Variants in LILRB5 observed in about 807,000 individuals in gnomAD.
LILRB5 encodes the protein leukocyte immunoglobulin like receptor B5, also known as leukocyte immunoglobulin-like receptor subfamily B member 5.
A neutral mutation model predicts 68.4 loss-of-function variants in LILRB5; 61 were observed. That is an observed-to-expected ratio of 0.89 (90% CI 0.73 to 1.10). LILRB5 has a LOEUF of 1.10. Among genes scored for constraint, LILRB5 ranks in the 50% least tolerant of loss-of-function variants. LILRB5 has a pLI of 0.00. For missense variants in LILRB5, 771 were observed against 751.6 expected (o/e 1.03, Z -0.30); for synonymous variants, 356 against 315.8 (o/e 1.13, Z -1.35).
rs775667688 is a variant in LILRB5, at chr19:54,252,335, C to T, written c.1576+31G>A. On this transcript the variant is annotated intron_variant, in intron 11 of 12. Coordinates refer to ENST00000449561, the MANE Select transcript of LILRB5 (RefSeq NM_001081442.3). ...AGAAACTTTGGTGCTCCCTTGCCCA[C>T]CCCAGGTGCCCTCCGCTTCTAGTCA... The T allele has an allele frequency of 5.0e-6, 8 of 1,612,376 alleles. No homozygotes were observed. In the South Asian group the frequency reaches 8.8e-5, roughly 18 times the overall value.
At position 54,256,572 on chromosome 19, in the gene LILRB5, T is replaced by A; in HGVS notation, c.272A>T (p.Asp91Val). Reference protein sequence around the residue: ...AKFHIPSTVYDSAGRYRCYYE... With the variant: ...AKFHIPSTVYVSAGRYRCYYE... ...GTAGCAGCGGTATCGCCCTGCACTG[T>A]CATACACCGTGGATGGAATGTGGAA... Residue 91 changes from aspartate to valine, a missense_variant, in exon 3 of 13, where the codon GAC becomes GTC. By Grantham distance (152) the Asp-to-Val change is radical. Coordinates refer to ENST00000449561, the MANE Select transcript of LILRB5 (RefSeq NM_001081442.3). 1.2e-6 allele frequency: 2 copies of A among 1,614,146 alleles called. No homozygotes were observed. The highest frequency in any genetic ancestry group is 1.7e-6 in the Non-Finnish European group (2 of 1,179,996).
At chr19:54,255,978 A>G (rs924232197) in intron 4 of LILRB5, 65 bp downstream of exon 4, 3 of 1,345,950 alleles carry the variant, frequency 2.2e-6, no homozygotes, top group Non-Finnish European at 2.0e-6. Context: ...TCAGTCATCA[A>G]CCAAACTCCC....
At chr19:54,254,337 T>C in intron 7 of LILRB5, 28 bp downstream of exon 7, 1 of 1,558,098 alleles carries the variant, frequency 6.4e-7, no homozygotes, top group Non-Finnish European at 8.7e-7. Flanking sequence ...CCACGCTCCC[T>C]CCGAGCCCAG....
rs776318107 is a variant in LILRB5 at position 54,255,529 on chromosome 19, C to T, written c.709G>A (p.Gly237Arg). The change falls in exon 5 of 13, where the codon GGA (glycine) becomes AGA (arginine). Residue 237 changes from glycine (G) to arginine (R), a missense_variant. Coordinates refer to ENST00000449561, the MANE Select transcript of LILRB5 (RefSeq NM_001081442.3). Reference protein sequence around the residue: ...LIPQGSVVARGGSLTLQCRSD... With the variant: ...LIPQGSVVARRGSLTLQCRSD... Reference sequence around the variant, plus strand: ...CGACACTGCAGGGTCAGGCTGCCTCCGCGGGCCACGACAGAGCCCTGCGGG... The same window carrying T: ...CGACACTGCAGGGTCAGGCTGCCTCTGCGGGCCACGACAGAGCCCTGCGGG... The T allele has an allele frequency of 3.1e-5, 50 of 1,613,838 alleles. No homozygotes were observed. Among genetic ancestry groups the T allele is most frequent in the Admixed American group, 2.5e-4 (15 of 59,998 alleles).
rs769024816 is a variant in LILRB5, at chr19:54,254,632, C to G, written c.1255+103G>C. On this transcript the variant is annotated intron_variant, in intron 6 of 12. Transcript: ENST00000449561. The stretch of plus-strand genomic sequence containing the variant: ...TCCCTCTGGCTGAGCCCCCCTCAAA[C>G]CCTCCCCCCCGCACCGCGACTCCAT... 2.7e-6 allele frequency: 4 copies of G among 1,455,152 alleles called. No homozygotes were observed. The South Asian group carries it at 4.8e-5, about 17-fold the overall frequency. The allele number at this position is 1,455,152 out of a possible 1,614,324, so 90.1% of individuals were successfully genotyped here. A position where few individuals can be genotyped will look rare whatever the true frequency, so the allele number is the denominator to read the frequency against.
At chr19:54,254,232 C>T in intron 7 of LILRB5, 133 bp downstream of exon 7, 2 of 1,450,526 alleles carry the variant, frequency 1.4e-6, no homozygotes. Flanking sequence ...GTGGCCCCTC[C>T]TCTGGCTCTG....
intron 7 of LILRB5, 82 bp from the exon 8 acceptor site, chr19:54,254,150 C>A: frequency 1.3e-6 from 2 of 1,541,770 alleles, no homozygotes; most frequent in Non-Finnish European, 1.8e-6. Flanking sequence ...GGCTGGGCCC[C>A]AACACCCAAC....
rs2079142701 is a variant in LILRB5 at position 54,256,373 on chromosome 19, G to A, written c.356-31C>T. 2.5e-6 allele frequency: 4 copies of A among 1,588,318 alleles called. No individual in the cohort carries two copies. The African/African-American group carries it at 5.4e-5, about 21-fold the overall frequency. ...AGAGAAGGAGGCACGTCTTAAGTGGGGCTCCGACCTCCCACATCATCCCCA... is the reference window on the plus strand; with the variant it reads ...AGAGAAGGAGGCACGTCTTAAGTGGAGCTCCGACCTCCCACATCATCCCCA... On this transcript the variant is annotated intron_variant, in intron 3 of 12. Coordinates refer to ENST00000449561, the MANE Select transcript of LILRB5 (RefSeq NM_001081442.3).
In LILRB5 at chr19:54,255,297, A is replaced by T. The variant is rs1283831334; in HGVS notation, c.941T>A (p.Ile314Asn). 6.2e-7 allele frequency: 1 copy of T among 1,613,074 alleles called. No homozygotes were observed. The highest frequency in any genetic ancestry group is 1.3e-5 in the African/African-American group (1 of 74,858). ...RWSAPSDPLD[I>N]LIAGLIPDIP... is the part of the protein sequence containing the mutation. Reference sequence around the variant, plus strand: ...GCTGGGCTCCTCACCTGCGATCAGGATGTCCAGGGGGTCGCTGGGGGCCGA... The same window carrying T: ...GCTGGGCTCCTCACCTGCGATCAGGTTGTCCAGGGGGTCGCTGGGGGCCGA... The change falls in exon 5 of 13, where the codon ATC (isoleucine) becomes AAC (asparagine). Residue 314 changes from isoleucine (I) to asparagine (N), a missense_variant. Ile to Asn is a moderately radical substitution (Grantham distance 149). Transcript: ENST00000449561.
rs139764664 is a variant in LILRB5, at chr19:54,252,070, A to C, written c.1613T>G (p.Val538Gly). The C allele has an allele frequency of 3.0e-4, 485 of 1,613,770 alleles. 2 individuals carry two copies. In the African/African-American group the frequency reaches 5.5e-3, roughly 18 times the overall value. ...GGGCCTCACCGGAGCATCCATCTCC[A>C]CCCCGTCCTTGGGCTGTGTGTCCTT... is the stretch of plus-strand genomic sequence containing the variant. ...AVKDTQPKDG[V>G]EMDAPAAASE... Residue 538 changes from valine to glycine, a missense_variant, in exon 12 of 13, where the codon GTG (valine) becomes GGG (glycine). Coordinates refer to ENST00000449561, the MANE Select transcript of LILRB5 (RefSeq NM_001081442.3).
chr19:54,252,546 T>G lies in LILRB5; in HGVS notation c.1478A>C (p.His493Pro). 6.2e-7 allele frequency: 1 copy of G among 1,613,752 alleles called. No individual in the cohort carries two copies. Among genetic ancestry groups the G allele is most frequent in the African/African-American group, 1.3e-5 (1 of 74,974 alleles). ...CGCAGCCCCTGCAGGACGGTAGAAA[T>G]GGGCTGGACAGAGATGGACAGAGGG... Reference protein sequence around the residue: ...RHQSKHRTSAHFYRPAGAAGP... With the variant: ...RHQSKHRTSAPFYRPAGAAGP... Residue 493 changes from histidine to proline, a missense_variant, in exon 10 of 13, where the codon CAT (histidine) becomes CCT (proline). His to Pro is a moderately conservative substitution (Grantham distance 77). Coordinates refer to ENST00000449561, the MANE Select transcript of LILRB5 (RefSeq NM_001081442.3).
rs1312307329 is a variant in LILRB5, at chr19:54,249,916, C to A, written c.*870G>T. ...GGCGTGGTGGCAGGTGCCTGTAGTC[C>A]CAGTTACTCGGGAGACTGAGGCAGG... On this transcript the variant is annotated 3_prime_UTR_variant, in exon 13 of 13. Transcript: ENST00000449561. 6.6e-6 allele frequency: 1 copy of A among 152,250 alleles called. No homozygotes were observed. Among genetic ancestry groups the A allele is most frequent in the African/African-American group, 2.4e-5 (1 of 41,410 alleles). The allele number at this position is 152,250 out of a possible 1,614,324, so 9.4% of individuals were successfully genotyped here.
At chr19:54,253,237 T>G in intron 8 of LILRB5, 1 of 229,836 alleles carries the variant, frequency 4.4e-6, no homozygotes, top group Non-Finnish European at 9.0e-6. Context: ...TTTCCCCAGC[T>G]GTCCTCCTGC....
chr19:54,256,083 C>T lies in LILRB5; in HGVS notation c.615G>A (p.Val205=), dbSNP rs1228999298. Reference sequence around the variant, plus strand: ...CCAGGAGGTCACTGGGGTTCGACCACACCTGAGGGTTTTTCCTGTAATAGT... The same window carrying T: ...CCAGGAGGTCACTGGGGTTCGACCATACCTGAGGGTTTTTCCTGTAATAGT... The part of the protein sequence containing the change: ...CYYYYRKNPQ[V]WSNPSDLLEI... Residue 205 remains valine (V), a synonymous_variant, in exon 4 of 13, where the codon GTG becomes GTA. Coordinates refer to ENST00000449561, the MANE Select transcript of LILRB5 (RefSeq NM_001081442.3). 11 of 1,579,016 alleles carry T rather than the reference C, an allele frequency of 7.0e-6. No homozygotes were observed. Among genetic ancestry groups the T allele is most frequent in the African/African-American group, 2.7e-5 (2 of 73,274 alleles).
Position 54,256,189 on chromosome 19 carries a change from T to G in LILRB5, c.509A>C (p.Lys170Thr), listed in dbSNP as rs764411383. Residue 170 changes from lysine (K) to threonine (T), a missense_variant, in exon 4 of 13, where the codon AAG (lysine) becomes ACG (threonine). Coordinates refer to ENST00000449561, the MANE Select transcript of LILRB5 (RefSeq NM_001081442.3). ...QKLPRTLYSQ[K>T]LPKGPSQALF... ...GGCCTGGGATGGCCCTTTGGGGAGC[T>G]TCTGTGAGTACAGGGTCCTGGGGAG... 35 of 1,613,814 alleles carry G rather than the reference T, an allele frequency of 2.2e-5. No individual in the cohort carries two copies. Among genetic ancestry groups the G allele is most frequent in the Middle Eastern group, 3.3e-4 (2 of 6,084 alleles).
At position 54,257,207 on chromosome 19, in the gene LILRB5, A is replaced by G; in HGVS notation, c.-14T>C. 1 of 1,614,168 alleles carries G rather than the reference A, an allele frequency of 6.2e-7. No individual in the cohort carries two copies. The highest frequency in any genetic ancestry group is 8.5e-7 in the Non-Finnish European group (1 of 1,180,012). ...GGTGAGGGTCATGGCGTCAGCTCCC[A>G]CTGGACTCAGCTGTGCAGGCGGATG... is the stretch of plus-strand genomic sequence containing the variant. On this transcript the variant is annotated 5_prime_UTR_variant, in exon 1 of 13. Transcript: ENST00000449561.
Position 54,255,349 on chromosome 19 carries a change from C to G in LILRB5, c.889G>C (p.Gly297Arg), listed in dbSNP as rs150300422. The G allele has an allele frequency of 1.2e-6, 2 of 1,614,028 alleles. No individual in the cohort carries two copies. The highest frequency in any genetic ancestry group is 3.3e-5 in the Admixed American group (2 of 60,006). Residue 297 changes from glycine (G) to arginine (R), a missense_variant, in exon 5 of 13, where the codon GGT (glycine) becomes CGT (arginine). Transcript: ENST00000449561. ...CACCTAGGGGAGAGGTTGTGTGCAC[C>G]GTAGCATCTGTACTGGCCCCCGTGG... ...RSHGGQYRCY[G>R]AHNLSPRWSA... is the part of the protein sequence containing the mutation.
Position 54,250,679 on chromosome 19 carries a change from G to C in LILRB5, c.*107C>G. The C allele has an allele frequency of 7.1e-7, 1 of 1,413,852 alleles. No homozygotes were observed. Among genetic ancestry groups the C allele is most frequent in the Non-Finnish European group, 9.7e-7 (1 of 1,026,728 alleles). 87.6% of individuals were successfully genotyped at this position (1,413,852 alleles called of 1,614,324 possible). ...GGATGTCCTGGTGGTCTTTGTTAGG[G>C]GTCCAGGCTGGCTGGGGTTCATTGG... On this transcript the variant is annotated 3_prime_UTR_variant, in exon 13 of 13. Transcript: ENST00000449561.
intron 12 of LILRB5, chr19:54,251,629 C>T (rs1601018480): frequency 5.1e-6 from 3 of 589,952 alleles, no homozygotes; most frequent in Non-Finnish European, 9.9e-6. Flanking sequence ...TGCATTTTGT[C>T]TCCCACCATG....
Sources: gnomAD v4.1 joint callset for allele counts on GRCh38, gnomAD v4.1.1 for gene constraint, MANE v1.5 for transcripts, NCBI Gene and HGNC (gene_info 2026-07-23, HGNC 2026-07-21) for gene names.